The following C1QTNF6 variants were observed in gnomAD, a reference collection of about 807,000 sequenced individuals.
The protein encoded by C1QTNF6 is complement C1q tumor necrosis factor-related protein 6.
Under a neutral mutation model 20.7 loss-of-function variants are expected in C1QTNF6, and 17 were observed. The ratio of observed to expected loss-of-function variants is 0.82; its 90% CI spans 0.56 to 1.23. C1QTNF6 has a LOEUF of 1.23. C1QTNF6 is among the 50% of genes most tolerant of loss of function. C1QTNF6 has a pLI of 0.00. For synonymous variants in C1QTNF6, 130 were observed against 156.3 expected, an observed-to-expected ratio of 0.83 and a Z score of 1.25; for missense variants, 329 against 389.7, an observed-to-expected ratio of 0.84 and a Z score of 1.31.
chr22:37,182,999 G>A, intron 2 of C1QTNF6: 1 of 1,294,014 alleles, frequency 7.7e-7, no homozygotes, highest in East Asian at 2.9e-5. Context: ...CTTAAAATAT[G>A]GTCTGTCCCC....
At chr22:37,189,426 A>G (rs150457621), upstream of C1QTNF6, among the ~76,000 whole-genome samples, 691 of 152,160 alleles carry the variant, frequency 4.5e-3, 10 homozygotes, top group African/African-American at 0.015. Context: ...TCTTAGCCTC[A>G]TTTTACCCAG....
chr22:37,192,193 T>G (rs1924863830), upstream of C1QTNF6, among the ~76,000 whole-genome samples: 1 of 152,236 alleles, frequency 6.6e-6, no homozygotes, highest in African/African-American at 2.4e-5. Flanking sequence ...TTCCCATGCT[T>G]TCTTATAATC....
chr22:37,185,647 G>C (rs1924260073), intron 1 of C1QTNF6, 192 bp from the exon 2 acceptor site: 1 of 1,295,176 alleles, frequency 7.7e-7, no homozygotes, highest in Admixed American at 3.9e-5. Flanking sequence ...CCAAGATCGG[G>C]AGGAGACTGG....
chr22:37,186,343 T>C (rs1047135772), intron 1 of C1QTNF6, among the ~76,000 whole-genome samples: 17 of 152,226 alleles, frequency 1.1e-4, no homozygotes, highest in Non-Finnish European at 1.5e-5. Flanking sequence ...GCTCAGCACC[T>C]TTGTGCAGTC....
At chr22:37,193,051 TG>T (rs1161707838), upstream of C1QTNF6, among the ~76,000 whole-genome samples, 2 of 151,426 alleles carry the variant, frequency 1.3e-5, no homozygotes, top group Non-Finnish European at 2.9e-5. Context: ...CAATGGAGGG[TG>T]GGGACACTTC....
chr22:37,185,126 T>C (rs1924181831), intron 2 of C1QTNF6, 92 bp downstream of exon 2: 2 of 1,460,430 alleles, frequency 1.4e-6, no homozygotes, highest in African/African-American at 2.9e-5. Flanking sequence ...GAAAGAGGAG[T>C]CTGGACAGGT....
intron 1 of C1QTNF6, 198 bp from the exon 2 acceptor site, chr22:37,185,653 A>G: frequency 7.8e-7 from 1 of 1,288,326 alleles, no homozygotes; most frequent in Non-Finnish European, 9.8e-7. Context: ...TCGGGAGGAG[A>G]CTGGCAGGGC....
upstream of C1QTNF6, among the ~76,000 whole-genome samples, chr22:37,198,752 C>A (rs946720248): frequency 6.6e-6 from 1 of 151,956 alleles, no homozygotes; most frequent in South Asian, 2.1e-4. Context: ...CAGGCCAGGG[C>A]GCCCATGCAC....
chr22:37,186,159 G>A, intron 1 of C1QTNF6: 1 of 984,902 alleles, frequency 1.0e-6, no homozygotes, highest in Non-Finnish European at 1.2e-6. Flanking sequence ...TGAGCAGTCA[G>A]GAGAAGGAAT....
chr22:37,187,811 C>G (rs1229911122), intron 1 of C1QTNF6, among the ~76,000 whole-genome samples: 1 of 152,050 alleles, frequency 6.6e-6, no homozygotes, highest in Non-Finnish European at 1.5e-5. Flanking sequence ...GGGGTGGGTG[C>G]CAGGCAGGGA....
chr22:37,183,629 CTG>C (rs1197116850), intron 2 of C1QTNF6, among the ~76,000 whole-genome samples: 2 of 152,346 alleles, frequency 1.3e-5, no homozygotes, highest in African/African-American at 4.8e-5. Context: ...CTAGAAGGCC[CTG>C]TGTTTTCCAC....
intron 2 of C1QTNF6, among the ~76,000 whole-genome samples, chr22:37,183,113 G>A (rs1923952461): frequency 6.6e-6 from 1 of 152,238 alleles, no homozygotes; most frequent in Non-Finnish European, 1.5e-5. Context: ...GTCCAGGCTG[G>A]CAGGGATGTG....
At chr22:37,194,135 G>A (rs1465172118) in intron 2 of C1QTNF6, among the ~76,000 whole-genome samples, 2 of 42,568 alleles carry the variant, frequency 4.7e-5, no homozygotes, top group African/African-American at 9.4e-5. Flanking sequence ...TTGCAAGGAC[G>A]TAAAAAAAAA....
In C1QTNF6 at chr22:37,184,463, C is replaced by T. The variant is rs1474850979; in HGVS notation, c.289+755G>A. The T allele has an allele frequency of 1.8e-5, 13 of 716,268 alleles. No homozygotes were observed. The highest frequency in any genetic ancestry group is 6.0e-5 in the Admixed American group (3 of 49,946). The allele number at this position is 716,268 out of a possible 1,614,324, so 44.4% of individuals were successfully genotyped here. A position where few individuals can be genotyped will look rare whatever the true frequency, so the allele number is the denominator to read the frequency against. On this transcript the variant is annotated intron_variant, in intron 2 of 2. Coordinates refer to ENST00000337843, the MANE Select transcript of C1QTNF6 (RefSeq NM_031910.4). This position sits in a 1 kb window ranked among gnomAD's most constrained non-coding sequence, Gnocchi z 4.0. ...CTATTGAGAGAGCGGGTAGCCAGCC[C>T]GCACCTGGACGGCCCTCACCTGGAT...
intron 1 of C1QTNF6, among the ~76,000 whole-genome samples, chr22:37,186,432 G>A (rs1225306989): frequency 1.3e-5 from 2 of 152,220 alleles, no homozygotes; most frequent in East Asian, 1.9e-4. Flanking sequence ...TTGGAAGATG[G>A]TTGTGTCAAT....
intron 1 of C1QTNF6, chr22:37,185,767 CAG>C (rs1042381181): frequency 9.5e-7 from 1 of 1,047,518 alleles, no homozygotes; most frequent in Non-Finnish European, 1.1e-6. Context: ...CAGCTGAGAG[CAG>C]ACAGGGATCC....
At chr22:37,199,029 C>CCG (rs1359858052), upstream of C1QTNF6, among the ~76,000 whole-genome samples, 1 of 152,258 alleles carries the variant, frequency 6.6e-6, no homozygotes, top group Non-Finnish European at 1.5e-5. Context: ...AGCGCCAGCT[C>CCG]CGCGCCAGGC....
upstream of C1QTNF6, among the ~76,000 whole-genome samples, chr22:37,198,856 G>T (rs1234359206): frequency 1.3e-5 from 2 of 151,938 alleles, no homozygotes; most frequent in Non-Finnish European, 2.9e-5. Context: ...CCCGGGCCTG[G>T]TTCTACCGAC....
chr22:37,197,950 C>T (rs1262293956), upstream of C1QTNF6: 1 of 152,290 alleles, frequency 6.6e-6, no homozygotes, highest in Admixed American at 6.5e-5. Flanking sequence ...CTTGGTGTCC[C>T]TGGGCCAGAT....
Sources: allele counts gnomAD v4.1 joint callset (sites outside exome capture counted in the v4.1 genomes callset), GRCh38; gene constraint gnomAD v4.1.1; non-coding constraint Gnocchi (gnomAD v3.1); transcripts MANE v1.5; gene names NCBI Gene and HGNC (gene_info 2026-07-23, HGNC 2026-07-21).